The following RASA2 variants were observed in gnomAD, a reference collection of about 807,000 sequenced individuals.
RASA2 encodes the protein ras GTPase-activating protein 2.
Under a neutral mutation model 118.2 loss-of-function variants are expected in RASA2, and 155 were observed. That is an observed-to-expected ratio of 1.31 (90% CI 1.15 to 1.50). RASA2 has a LOEUF of 1.50. RASA2 is among the 40% of genes most tolerant of loss of function. RASA2 has a pLI of 0.00. For synonymous variants in RASA2, 353 were observed against 349.1 expected (o/e 1.01, Z -0.12); for missense variants, 1,016 against 1,009.6 (o/e 1.01, Z -0.09).
intron 4 of RASA2, among the ~76,000 whole-genome samples, chr3:141,538,330 T>G (rs1177973248): frequency 6.6e-6 from 1 of 152,174 alleles, no homozygotes; most frequent in Non-Finnish European, 1.5e-5. Context: ...ACTTTGAAAA[T>G]TAAATTGGTA....
intron 1 of RASA2, among the ~76,000 whole-genome samples, chr3:141,504,211 A>T (rs2081828566): frequency 1.3e-5 from 2 of 152,150 alleles, no homozygotes; most frequent in African/African-American, 2.4e-5. Flanking sequence ...CCTGAGGCTC[A>T]GTCTTCAAAT....
At chr3:141,491,865 G>A (rs928056282) in intron 1 of RASA2, among the ~76,000 whole-genome samples, 4 of 152,124 alleles carry the variant, frequency 2.6e-5, no homozygotes, top group Admixed American at 2.6e-4. Flanking sequence ...TGACATGACA[G>A]GTTTGAATAA....
At position 141,487,128 on chromosome 3, in the gene RASA2, G is replaced by A. The variant is rs1215287508; in HGVS notation, c.45G>A (p.Ala15=). 3.5e-6 allele frequency: 5 copies of A among 1,439,174 alleles called. No individual in the cohort carries two copies. In the Admixed American group the frequency reaches 1.0e-4, roughly 29 times the overall value. The allele number at this position is 1,439,174 out of a possible 1,614,324, so 89.2% of individuals were successfully genotyped here. A position where few individuals can be genotyped will look rare whatever the true frequency, so the allele number is the denominator to read the frequency against. The stretch of plus-strand genomic sequence containing the variant: ...CTGCTGCGGCGGCTTCTTCCGAGGC[G>A]CCAGCGGCGAGTGCGACTGCAGAGC... ...APAAAAASSE[A]PAASATAEPE... is the part of the protein sequence containing the mutation. Residue 15 remains alanine (A), a synonymous_variant, in exon 1 of 24, where the codon GCG becomes GCA. Transcript: ENST00000286364.
intron 5 of RASA2, among the ~76,000 whole-genome samples, chr3:141,543,583 T>C (rs2082436954): frequency 6.6e-6 from 1 of 152,164 alleles, no homozygotes; most frequent in African/African-American, 2.4e-5. Flanking sequence ...TCTTTTAGAG[T>C]AAGTCTCTTG....
intron 5 of RASA2, among the ~76,000 whole-genome samples, chr3:141,541,560 G>T (rs2082404983): frequency 6.6e-6 from 1 of 151,922 alleles, no homozygotes; most frequent in African/African-American, 2.4e-5. Context: ...CCAAATTCAG[G>T]AAGTTTAACA....
Position 141,572,051 on chromosome 3 carries a change from TATATATATATAC to T in RASA2, c.1169+499_1169+510del, listed in dbSNP as rs1378978507. 8.6e-3 allele frequency among the ~76,000 whole-genome samples: 1,145 copies of T among 133,870 alleles called. 13 individuals carry two copies. Among genetic ancestry groups the T allele is most frequent in the African/African-American group, 0.032 (1,096 of 34,752 alleles). 87.8% of individuals were successfully genotyped at this position (133,870 alleles called of 152,430 possible). On this transcript the variant is annotated intron_variant, in intron 11 of 23. Coordinates refer to ENST00000286364, the MANE Select transcript of RASA2 (RefSeq NM_006506.5). ...AAACATATATATATATATATATATA[TATATATATATAC>T]ACACACACACACACATATGTATTGA...
chr3:141,538,267 A>T (rs2082357550), intron 4 of RASA2, among the ~76,000 whole-genome samples: 1 of 152,222 alleles, frequency 6.6e-6, no homozygotes, highest in South Asian at 2.1e-4. Context: ...AGCAGTTTTA[A>T]ATAATTTAAA....
At chr3:141,597,782 A>G (rs968902230) in intron 19 of RASA2, among the ~76,000 whole-genome samples, 3 of 152,214 alleles carry the variant, frequency 2.0e-5, no homozygotes, top group African/African-American at 4.8e-5. Context: ...ATAGTGAAGC[A>G]TAACAAAGCC....
At chr3:141,534,747 AT>A (rs1338681117) in intron 4 of RASA2, among the ~76,000 whole-genome samples, 2 of 151,828 alleles carry the variant, frequency 1.3e-5, no homozygotes, top group Non-Finnish European at 2.9e-5. Context: ...TTGCAGGTTG[AT>A]TTTTTTTAAC....
intron 17 of RASA2, among the ~76,000 whole-genome samples, chr3:141,582,886 A>G (rs1196148538): frequency 6.6e-6 from 1 of 152,230 alleles, no homozygotes; most frequent in Non-Finnish European, 1.5e-5. Context: ...TGCAGAGTTT[A>G]GAAAGGATAA....
intron 4 of RASA2, among the ~76,000 whole-genome samples, chr3:141,535,328 TAGAC>T (rs2082312682): frequency 6.6e-6 from 1 of 152,182 alleles, no homozygotes; most frequent in Non-Finnish European, 1.5e-5. Flanking sequence ...TCTGGACCCT[TAGAC>T]AGTATTTCCA....
At chr3:141,610,353 ATT>A (rs1491297766) in intron 23 of RASA2, among the ~76,000 whole-genome samples, 15 of 125,638 alleles carry the variant, frequency 1.2e-4, no homozygotes, top group Non-Finnish European at 2.1e-4. Context: ...ATATATTTAT[ATT>A]TATATATTAT....
intron 1 of RASA2, among the ~76,000 whole-genome samples, chr3:141,503,580 T>C (rs1451862787): frequency 6.6e-6 from 1 of 152,248 alleles, no homozygotes. Flanking sequence ...TCTCTCCTCT[T>C]TTTTCAGGTA....
At chr3:141,580,085 A>AAAAAAAAATAT (rs1553797703) in intron 15 of RASA2, among the ~76,000 whole-genome samples, 2 of 59,618 alleles carry the variant, frequency 3.4e-5, no homozygotes, top group African/African-American at 1.4e-4. Context: ...AAAAAAAAAA[A>AAAAAAAAATAT]ATATATATAT....
At position 141,524,828 on chromosome 3, in the gene RASA2, C is replaced by A. The variant is rs575395735; in HGVS notation, c.356-4880C>A. On this transcript the variant is annotated intron_variant, in intron 3 of 23. Coordinates refer to ENST00000286364, the MANE Select transcript of RASA2 (RefSeq NM_006506.5). Reference sequence around the variant, plus strand: ...CTAGTCTCAAACTCCTGAGCTCAGGCAATCCACCCACCTCAGCCTCCCAAA... The same window carrying A: ...CTAGTCTCAAACTCCTGAGCTCAGGAAATCCACCCACCTCAGCCTCCCAAA... Among the ~76,000 whole-genome samples, 6 of 152,158 alleles carry A rather than the reference C, an allele frequency of 3.9e-5. No homozygotes were observed. The South Asian group carries it at 1.2e-3, about 32-fold the overall frequency.
intron 19 of RASA2, chr3:141,590,016 A>G (rs554084534): frequency 5.7e-5 from 24 of 419,452 alleles, no homozygotes; most frequent in African/African-American, 4.8e-4. Context: ...TGAGATATGA[A>G]GTTTCAAGCT....
At chr3:141,604,446 C>A (rs762454320) in intron 19 of RASA2, among the ~76,000 whole-genome samples, 9 of 152,238 alleles carry the variant, frequency 5.9e-5, no homozygotes, top group Non-Finnish European at 1.2e-4. Context: ...ATCCAAGTCT[C>A]CATTCAAGCT....
intron 19 of RASA2, among the ~76,000 whole-genome samples, chr3:141,603,724 T>C (rs1188679881): frequency 6.6e-6 from 1 of 152,162 alleles, no homozygotes; most frequent in Non-Finnish European, 1.5e-5. Flanking sequence ...AGAAACCCTA[T>C]ACCCATTAAC....
chr3:141,594,308 T>C (rs2083331179), intron 19 of RASA2, among the ~76,000 whole-genome samples: 1 of 151,566 alleles, frequency 6.6e-6, no homozygotes, highest in South Asian at 2.1e-4. Flanking sequence ...TAGTCTAACA[T>C]ATGCATGGTT....
Sources: allele counts gnomAD v4.1 joint callset (sites outside exome capture counted in the v4.1 genomes callset), GRCh38; gene constraint gnomAD v4.1.1; transcripts MANE v1.5; gene names NCBI Gene and HGNC (gene_info 2026-07-23, HGNC 2026-07-21).